URI1: variants seen among roughly 807,000 people sequenced by gnomAD.
The protein encoded by URI1 is unconventional prefoldin RPB5 interactor 1.
Under a neutral mutation model 60.2 loss-of-function variants are expected in URI1, and 39 were observed. The ratio of observed to expected loss-of-function variants is 0.65; its 90% CI spans 0.50 to 0.85. The LOEUF is 0.85. Ranked by LOEUF, URI1 falls within the 40% of genes least tolerant of loss-of-function variation. URI1 has a pLI of 0.00. For missense variants in URI1, 691 were observed against 665.9 expected (o/e 1.04, Z -0.42); for synonymous variants, 251 against 236.8 (o/e 1.06, Z -0.55).
chr19:29,942,387 G>A lies in URI1; in HGVS notation c.-161G>A. The A allele has an allele frequency of 1.0e-6, 1 of 983,728 alleles. No homozygotes were observed. The highest frequency in any genetic ancestry group is 1.2e-6 in the Non-Finnish European group (1 of 829,288). The allele number at this position is 983,728 out of a possible 1,614,324, so 60.9% of individuals were successfully genotyped here. On this transcript the variant is annotated 5_prime_UTR_variant, in exon 1 of 11. Transcript: ENST00000392271. Reference sequence around the variant, plus strand: ...CGTGTGAGATGCGGCAGCGGGCGGCGCGGACGCGAACAGCAGCGGCGGCGG... The same window carrying A: ...CGTGTGAGATGCGGCAGCGGGCGGCACGGACGCGAACAGCAGCGGCGGCGG...
intron 1 of URI1, among the ~76,000 whole-genome samples, chr19:29,953,407 AT>A (rs544405909): frequency 2.5e-4 from 38 of 152,290 alleles, no homozygotes; most frequent in South Asian, 6.2e-4. Flanking sequence ...CTAGCTCTTT[AT>A]ATTCATAATC....
chr19:29,945,954 C>A (rs956501158), intron 1 of URI1, among the ~76,000 whole-genome samples: 10 of 151,948 alleles, frequency 6.6e-5, no homozygotes, highest in Admixed American at 6.6e-4. Context: ...CTTTCTGAGC[C>A]TGAAAAATGG....
chr19:29,942,279 C>T lies in URI1; in HGVS notation c.-269C>T, dbSNP rs1412311006. 41 of 985,032 alleles carry T rather than the reference C, an allele frequency of 4.2e-5. No homozygotes were observed. Among genetic ancestry groups the T allele is most frequent in the East Asian group, 1.1e-4 (1 of 8,782 alleles). 61.0% of individuals were successfully genotyped at this position (985,032 alleles called of 1,614,324 possible). On this transcript the variant is annotated 5_prime_UTR_variant, in exon 1 of 11. Transcript: ENST00000392271. ...GCCGCCACGCGACGCCTGGCTGGGC[C>T]CGCACCGGAGAGGCGTCTCGGTACC...
intron 1 of URI1, among the ~76,000 whole-genome samples, chr19:29,960,574 T>A (rs1371150502): frequency 6.6e-6 from 1 of 152,178 alleles, no homozygotes. Flanking sequence ...TGGATATTAG[T>A]ATTAGTATGG....
chr19:29,937,631 T>G (rs2054985146), upstream of URI1: 1 of 152,224 alleles, frequency 6.6e-6, no homozygotes, highest in Non-Finnish European at 1.5e-5. Context: ...TTTTGTTTCA[T>G]AATCTTTACA....
intron 2 of URI1, among the ~76,000 whole-genome samples, chr19:29,983,686 T>A (rs2055625971): frequency 6.6e-6 from 1 of 152,180 alleles, no homozygotes; most frequent in South Asian, 2.1e-4. Context: ...AGGGAACCCT[T>A]TGGAAACCCA....
chr19:30,013,395 C>T (rs1568449653), intron 10 of URI1, among the ~76,000 whole-genome samples: 1 of 152,100 alleles, frequency 6.6e-6, no homozygotes, highest in Non-Finnish European at 1.5e-5. Flanking sequence ...AGGGACAGTA[C>T]ATATGACTAG....
rs1044171196 is a variant in URI1, at chr19:29,957,255, G to C, written c.118-13938G>C. 4.6e-5 allele frequency among the ~76,000 whole-genome samples: 6 copies of C among 130,022 alleles called. No homozygotes were observed. In the South Asian group the frequency reaches 1.3e-3, roughly 28 times the overall value. The allele number at this position is 130,022 out of a possible 152,430, so 85.3% of individuals were successfully genotyped here. On this transcript the variant is annotated intron_variant, in intron 1 of 10. Coordinates refer to ENST00000392271, the MANE Select transcript of URI1 (RefSeq NM_003796.3). ...AAATGCAATATGTCAATCAAATGAA[G>C]GTCTGCTTTTATTCCTTCCCCTTGG...
intron 1 of URI1, among the ~76,000 whole-genome samples, chr19:29,951,932 C>T (rs1267093940): frequency 6.6e-6 from 1 of 152,154 alleles, no homozygotes; most frequent in Non-Finnish European, 1.5e-5. Flanking sequence ...TGCCTTAGTC[C>T]TGAAATTGAC....
rs1246976627 is a variant in URI1, at chr19:29,968,718, C to A, written c.118-2475C>A. Among the ~76,000 whole-genome samples the A allele has an allele frequency of 3.3e-5, 5 of 151,254 alleles. No individual in the cohort carries two copies. The East Asian group carries it at 9.7e-4, about 29-fold the overall frequency. On this transcript the variant is annotated intron_variant, in intron 1 of 10. Transcript: ENST00000392271. ...TCCCGAGTAGCCAGGACTACAGGCACCTGCCACCATGCCCGGCCATTTTTT... is the reference window on the plus strand; with the variant it reads ...TCCCGAGTAGCCAGGACTACAGGCAACTGCCACCATGCCCGGCCATTTTTT...
Position 30,016,342 on chromosome 19 carries a change from C to T in URI1, c.*1273C>T, listed in dbSNP as rs1035962498. On this transcript the variant is annotated 3_prime_UTR_variant, in exon 11 of 11. Transcript: ENST00000392271. ...CCGAGGACTGATTTTGAAAGATCAC[C>T]TAAAAATGTAGATTTGTTCTTTAGT... is the stretch of plus-strand genomic sequence containing the variant. 6.6e-6 allele frequency: 1 copy of T among 152,094 alleles called. No individual in the cohort carries two copies. Among genetic ancestry groups the T allele is most frequent in the Non-Finnish European group, 1.5e-5 (1 of 67,954 alleles). The allele number at this position is 152,094 out of a possible 1,614,324, so 9.4% of individuals were successfully genotyped here. A position where few individuals can be genotyped will look rare whatever the true frequency, so the allele number is the denominator to read the frequency against.
intron 4 of URI1, among the ~76,000 whole-genome samples, chr19:29,997,441 TAGAC>T (rs764763331): frequency 9.2e-5 from 14 of 152,304 alleles, no homozygotes; most frequent in East Asian, 3.9e-4. Flanking sequence ...CTTTTTTTCT[TAGAC>T]AGTCTAATAA....
chr19:29,948,188 A>G lies in URI1; in HGVS notation c.117+5524A>G, dbSNP rs190519876. Among the ~76,000 whole-genome samples the G allele has an allele frequency of 1.4e-4, 22 of 152,288 alleles. No individual in the cohort carries two copies. In the East Asian group the frequency reaches 3.5e-3, roughly 24 times the overall value. ...TTTGTGTTATCTTGGTACCTGGTAC[A>G]TGGTGGTGTAGTTTTAGTTGTGGTT... On this transcript the variant is annotated intron_variant, in intron 1 of 10. Transcript: ENST00000392271.
intron 1 of URI1, among the ~76,000 whole-genome samples, chr19:29,930,348 A>G (rs542426512): frequency 8.5e-5 from 13 of 152,254 alleles, no homozygotes; most frequent in African/African-American, 3.1e-4. Context: ...ACCATTGCCA[A>G]ATCTAAGATC....
chr19:29,934,005 G>A (rs1316777961), intron 1 of URI1, among the ~76,000 whole-genome samples: 5 of 137,762 alleles, frequency 3.6e-5, no homozygotes, highest in Non-Finnish European at 7.6e-5. Flanking sequence ...GTGCCATCTC[G>A]GCTCAGTGCA....
chr19:29,950,353 G>T (rs111641437), intron 1 of URI1, among the ~76,000 whole-genome samples: 1 of 152,138 alleles, frequency 6.6e-6, no homozygotes, highest in African/African-American at 2.4e-5. Flanking sequence ...TTTAGTTTAA[G>T]AACCTTTTAG....
chr19:29,973,938 A>G (rs556745182), intron 2 of URI1, among the ~76,000 whole-genome samples: 1 of 152,104 alleles, frequency 6.6e-6, no homozygotes, highest in African/African-American at 2.4e-5. Flanking sequence ...GAAATAAGGT[A>G]TTATGAAATC....
rs2054970286 is a variant in URI1 at position 29,936,115 on chromosome 19, T to A, written c.63+12361T>A. On this transcript the variant is annotated intron_variant, in intron 1 of 10. Coordinates refer to the URI1 transcript ENST00000360605. ...AAAAAAATTTTTTTTTGAGATGGAG[T>A]TTTGCTTTTTTAGAGTTTTGCTCTT... 2.7e-5 allele frequency among the ~76,000 whole-genome samples: 4 copies of A among 147,510 alleles called. No homozygotes were observed. The South Asian group carries it at 8.6e-4, about 32-fold the overall frequency.
intron 4 of URI1, among the ~76,000 whole-genome samples, chr19:30,002,411 T>C (rs2055890256): frequency 6.6e-6 from 1 of 152,056 alleles, no homozygotes; most frequent in Non-Finnish European, 1.5e-5. Flanking sequence ...TTAATTTGCT[T>C]TAAGTCTCCT....
Sources: gnomAD v4.1 joint callset for allele counts (sites outside exome capture counted in the v4.1 genomes callset) on GRCh38, gnomAD v4.1.1 for gene constraint, MANE v1.5 for transcripts, NCBI Gene and HGNC (gene_info 2026-07-23, HGNC 2026-07-21) for gene names.